Variants in NKAIN2 observed in about 807,000 individuals in gnomAD.
NKAIN2 encodes the protein sodium/potassium transporting ATPase interacting 2, also known as sodium/potassium-transporting ATPase subunit beta-1-interacting protein 2.
NKAIN2 carries 14 observed loss-of-function variants against 32.6 expected under a neutral mutation model. The observed-to-expected ratio is 0.43, with a 90% CI of 0.28 to 0.67. The LOEUF (loss-of-function observed/expected upper bound fraction) is 0.67, where lower values mean the gene tolerates loss of function less well. Among genes scored for constraint, NKAIN2 ranks in the 30% least tolerant of loss-of-function variants. NKAIN2 has a pLI of 0.17. For synonymous variants in NKAIN2, 80 were observed against 87.2 expected (o/e 0.92, Z 0.46); for missense variants, 198 against 258.3 (o/e 0.77, Z 1.60).
intron 3 of NKAIN2, among the ~76,000 whole-genome samples, chr6:124,641,675 AT>A (rs1342311588): frequency 2.7e-5 from 4 of 150,142 alleles, no homozygotes; most frequent in Admixed American, 6.7e-5. Context: ...CTTCAGCCTC[AT>A]GAGTAGCTGG....
chr6:123,833,736 ATTT>A (rs1281889265), intron 1 of NKAIN2, among the ~76,000 whole-genome samples: 2 of 72,354 alleles, frequency 2.8e-5, no homozygotes, highest in Non-Finnish European at 5.9e-5. Context: ...TTTCCTGTGG[ATTT>A]TTTTTTTTTT....
intron 1 of NKAIN2, among the ~76,000 whole-genome samples, chr6:123,860,409 T>C (rs1200152292): frequency 2.0e-5 from 3 of 152,124 alleles, no homozygotes; most frequent in Non-Finnish European, 2.9e-5. Flanking sequence ...AAAGTAATAG[T>C]GTATGTATTA....
intron 1 of NKAIN2, among the ~76,000 whole-genome samples, chr6:124,237,338 T>C (rs1322716964): frequency 1.3e-5 from 2 of 152,154 alleles, no homozygotes; most frequent in Non-Finnish European, 2.9e-5. Context: ...CAGTAATGGC[T>C]CTAGGGATAA....
intron 3 of NKAIN2, among the ~76,000 whole-genome samples, chr6:124,409,368 A>G (rs1774036679): frequency 1.3e-5 from 2 of 152,114 alleles, no homozygotes; most frequent in Non-Finnish European, 2.9e-5. Context: ...GATACGTCCC[A>G]TCAATAACTA....
chr6:124,639,065 C>A (rs1783888562), intron 3 of NKAIN2, among the ~76,000 whole-genome samples: 1 of 151,750 alleles, frequency 6.6e-6, no homozygotes, highest in Admixed American at 6.6e-5. Flanking sequence ...TGACTATTAT[C>A]AAAAAGGTAA....
At chr6:124,352,595 T>A (rs1798782573) in intron 2 of NKAIN2, among the ~76,000 whole-genome samples, 1 of 151,674 alleles carries the variant, frequency 6.6e-6, no homozygotes, top group Non-Finnish European at 1.5e-5. Flanking sequence ...CATCAGCCAT[T>A]GCTGAAGTCC....
intron 5 of NKAIN2, among the ~76,000 whole-genome samples, chr6:124,793,646 C>A (rs138164586): frequency 6.8e-6 from 1 of 146,284 alleles, no homozygotes; most frequent in East Asian, 2.0e-4. Context: ...CAAAGGAAAT[C>A]TCAGAAATGC....
chr6:124,096,858 CA>C (rs60102766), intron 1 of NKAIN2, among the ~76,000 whole-genome samples: 85 of 102,560 alleles, frequency 8.3e-4, no homozygotes, highest in African/African-American at 1.1e-3. Flanking sequence ...ACTCCGTCTC[CA>C]AAAAAAAAAA....
At chr6:123,898,255 T>G (rs2114402277) in intron 1 of NKAIN2, among the ~76,000 whole-genome samples, 1 of 152,254 alleles carries the variant, frequency 6.6e-6, no homozygotes, top group Admixed American at 6.5e-5. Context: ...CTTTACTTTT[T>G]CCACATGAGC....
intron 3 of NKAIN2, among the ~76,000 whole-genome samples, chr6:124,401,069 A>T (rs1321698008): frequency 6.6e-6 from 1 of 152,108 alleles, no homozygotes; most frequent in Non-Finnish European, 1.5e-5. Flanking sequence ...GTTGCTGTAA[A>T]ATCTTACATT....
chr6:124,027,095 G>A (rs1048940450), intron 1 of NKAIN2, among the ~76,000 whole-genome samples: 1 of 150,454 alleles, frequency 6.6e-6, no homozygotes, highest in African/African-American at 2.5e-5. Flanking sequence ...TCCCTGGGAT[G>A]TCCTTTGTCA....
At chr6:124,313,884 A>G (rs1796825262) in intron 2 of NKAIN2, among the ~76,000 whole-genome samples, 1 of 152,124 alleles carries the variant, frequency 6.6e-6, no homozygotes, top group Non-Finnish European at 1.5e-5. Flanking sequence ...AAGGGCACTA[A>G]GGCCCATCAG....
At chr6:124,764,765 G>A (rs183035748) in intron 4 of NKAIN2, among the ~76,000 whole-genome samples, 5 of 152,236 alleles carry the variant, frequency 3.3e-5, no homozygotes, top group Admixed American at 3.3e-4. Context: ...ACTATAAATG[G>A]ATTCTTTTAT....
intron 3 of NKAIN2, among the ~76,000 whole-genome samples, chr6:124,512,039 T>C (rs914466855): frequency 3.9e-5 from 6 of 152,212 alleles, no homozygotes; most frequent in Non-Finnish European, 8.8e-5. Flanking sequence ...ATTTTATTCT[T>C]GAATTTTCTC....
intron 1 of NKAIN2, among the ~76,000 whole-genome samples, chr6:123,988,743 A>G (rs1779273514): frequency 6.6e-6 from 1 of 152,208 alleles, no homozygotes; most frequent in Admixed American, 6.5e-5. Flanking sequence ...GGTTGTTGCT[A>G]ATAATACAGT....
intron 4 of NKAIN2, among the ~76,000 whole-genome samples, chr6:124,772,124 GA>G (rs1283075903): frequency 6.6e-6 from 1 of 152,166 alleles, no homozygotes. Flanking sequence ...TTTTTAGAAA[GA>G]TCACTCAGAA....
intron 1 of NKAIN2, among the ~76,000 whole-genome samples, chr6:124,231,325 T>C (rs567138578): frequency 6.6e-6 from 1 of 152,208 alleles, no homozygotes; most frequent in African/African-American, 2.4e-5. Flanking sequence ...GAAGGGACTT[T>C]CCTTGTCTCA....
chr6:124,317,091 G>T (rs1181994535), intron 2 of NKAIN2, among the ~76,000 whole-genome samples: 1 of 151,846 alleles, frequency 6.6e-6, no homozygotes, highest in East Asian at 1.9e-4. Context: ...CTAGCTTAGG[G>T]GATTAAGGCC....
intron 3 of NKAIN2, among the ~76,000 whole-genome samples, chr6:124,466,900 G>T (rs748593708): frequency 1.3e-5 from 2 of 151,748 alleles, no homozygotes; most frequent in Admixed American, 6.6e-5. Context: ...TAACTTTCTC[G>T]CTAGAAATAT....
Sources: allele counts gnomAD v4.1 joint callset (sites outside exome capture counted in the v4.1 genomes callset), GRCh38; gene constraint gnomAD v4.1.1; transcripts MANE v1.5; gene names NCBI Gene and HGNC (gene_info 2026-07-23, HGNC 2026-07-21).